The following FAM81A variants were observed in gnomAD, a reference collection of about 807,000 sequenced individuals.
FAM81A encodes family with sequence similarity 81 member A.
A neutral mutation model predicts 46.7 loss-of-function variants in FAM81A; 19 were observed. That is an observed-to-expected ratio of 0.41 (90% CI 0.28 to 0.60). FAM81A has a LOEUF of 0.60. Ranked by LOEUF, FAM81A falls within the 20% of genes least tolerant of loss-of-function variation. The pLI is 0.34. For synonymous variants in FAM81A, 183 were observed against 152.9 expected (o/e 1.20, Z -1.45); for missense variants, 377 against 453.5 (o/e 0.83, Z 1.53).
In FAM81A at chr15:59,521,443, T is replaced by G; in HGVS notation, c.*65T>G. The G allele has an allele frequency of 6.6e-7, 1 of 1,517,106 alleles. No individual in the cohort carries two copies. The allele number at this position is 1,517,106 out of a possible 1,614,324, so 94.0% of individuals were successfully genotyped here. Reference sequence around the variant, plus strand: ...TGGGGCTAGGAGCCGGATACCTCTGTAGCCAGGCCATCGCTGCATTCAGGA... The same window carrying G: ...TGGGGCTAGGAGCCGGATACCTCTGGAGCCAGGCCATCGCTGCATTCAGGA... On this transcript the variant is annotated 3_prime_UTR_variant, in exon 9 of 9. Transcript: ENST00000288228.
chr15:59,400,815 A>T (rs555542354), intron 1 of FAM81A, among the ~76,000 whole-genome samples: 1 of 152,316 alleles, frequency 6.6e-6, no homozygotes, highest in African/African-American at 2.4e-5. Flanking sequence ...AAATCCTTGC[A>T]CATTCCCTAC....
intron 2 of FAM81A, among the ~76,000 whole-genome samples, chr15:59,406,023 G>A (rs1596458390): frequency 6.6e-6 from 1 of 152,062 alleles, no homozygotes; most frequent in African/African-American, 2.4e-5. Flanking sequence ...CTTGCAACTC[G>A]ACCCAGAAAG....
At chr15:59,418,279 G>C (rs915113572) in intron 2 of FAM81A, among the ~76,000 whole-genome samples, 2 of 152,160 alleles carry the variant, frequency 1.3e-5, no homozygotes, top group Admixed American at 1.3e-4. Flanking sequence ...TGGGGGCAGA[G>C]GCAACAAACA....
At chr15:59,483,633 G>T (rs2081881770) in intron 3 of FAM81A, among the ~76,000 whole-genome samples, 2 of 152,148 alleles carry the variant, frequency 1.3e-5, no homozygotes, top group Admixed American at 6.6e-5. Flanking sequence ...AAAATTTCTA[G>T]AAATAAGTAG....
intron 3 of FAM81A, among the ~76,000 whole-genome samples, chr15:59,468,847 A>C (rs746290488): frequency 2.0e-5 from 3 of 152,168 alleles, no homozygotes. Context: ...TCTTGTGGGC[A>C]TTTAGTGCTA....
chr15:59,456,846 C>T (rs531751177), intron 1 of FAM81A, among the ~76,000 whole-genome samples: 2 of 152,300 alleles, frequency 1.3e-5, no homozygotes, highest in South Asian at 4.1e-4. Context: ...ACTTTGGCCT[C>T]CCAAAGTGCT....
At chr15:59,416,927 C>T (rs1025118686) in intron 2 of FAM81A, among the ~76,000 whole-genome samples, 2 of 152,178 alleles carry the variant, frequency 1.3e-5, no homozygotes, top group Non-Finnish European at 2.9e-5. Flanking sequence ...CAGGAAGGTG[C>T]ATAGTTTTTC....
chr15:59,461,601 G>T (rs1426707037), intron 3 of FAM81A, among the ~76,000 whole-genome samples: 2 of 152,178 alleles, frequency 1.3e-5, no homozygotes, highest in African/African-American at 4.8e-5. Context: ...GATTACAGAT[G>T]TGAGCCACTG....
intron 3 of FAM81A, among the ~76,000 whole-genome samples, chr15:59,482,033 C>G (rs985603713): frequency 6.6e-6 from 1 of 151,980 alleles, no homozygotes; most frequent in East Asian, 1.9e-4. Context: ...TCTCTGCTCC[C>G]ACACATGCGC....
At chr15:59,435,244 G>A (rs953572890), upstream of FAM81A, among the ~76,000 whole-genome samples, 8 of 151,908 alleles carry the variant, frequency 5.3e-5, no homozygotes, top group African/African-American at 1.2e-4. Flanking sequence ...CCGAGATCAC[G>A]CCACTGCACT....
rs150667074 is a variant in FAM81A, at chr15:59,399,040, G to A, written c.-160-3236G>A. On this transcript the variant is annotated intron_variant, in intron 1 of 4. Coordinates refer to the FAM81A transcript ENST00000558348. ...AAAAGTTATCCAGATGTGGTGGCGT[G>A]TGCCTGTAATCCCAGCTACTCGGTA... Among the ~76,000 whole-genome samples, 1,333 of 151,928 alleles carry A rather than the reference G, an allele frequency of 8.8e-3. 21 individuals carry two copies. The highest frequency in any genetic ancestry group is 0.031 in the African/African-American group (1,268 of 41,426).
Position 59,460,330 on chromosome 15 carries a change from T to G in FAM81A, c.294+124T>G. The G allele has an allele frequency of 1.6e-6, 2 of 1,280,154 alleles. No homozygotes were observed. Among genetic ancestry groups the G allele is most frequent in the South Asian group, 2.4e-5 (2 of 83,688 alleles). 79.3% of individuals were successfully genotyped at this position (1,280,154 alleles called of 1,614,324 possible). On this transcript the variant is annotated intron_variant, in intron 3 of 8. Transcript: ENST00000288228. This position sits in a 1 kb window ranked among gnomAD's most constrained non-coding sequence, Gnocchi z 4.4. The stretch of plus-strand genomic sequence containing the variant: ...TGCATTTAGAACAAAGCTGTCTGTC[T>G]TGTCTATTCTTAATGATCGCCAAGG...
intron 2 of FAM81A, among the ~76,000 whole-genome samples, chr15:59,424,346 T>C (rs2081186647): frequency 6.6e-6 from 1 of 152,222 alleles, no homozygotes; most frequent in Non-Finnish European, 1.5e-5. Context: ...TTCTTCCTTC[T>C]CTGGCCCAGG....
chr15:59,424,691 G>A (rs575527924), intron 2 of FAM81A, among the ~76,000 whole-genome samples: 6 of 152,280 alleles, frequency 3.9e-5, no homozygotes, highest in African/African-American at 1.2e-4. Context: ...AAAAATTCTT[G>A]ATTTCTCTTT....
intron 1 of FAM81A, chr15:59,402,092 C>T (rs1191227266): frequency 1.7e-5 from 8 of 458,746 alleles, no homozygotes; most frequent in South Asian, 5.4e-5. Flanking sequence ...GAGCTGACGC[C>T]GTGCAGGCCT....
intron 4 of FAM81A, among the ~76,000 whole-genome samples, chr15:59,494,747 T>C (rs1437445073): frequency 1.3e-5 from 2 of 152,224 alleles, no homozygotes; most frequent in African/African-American, 2.4e-5. Flanking sequence ...TGTAATTGTA[T>C]TGGAGGGGTA....
chr15:59,400,688 G>C (rs970815522), intron 1 of FAM81A, among the ~76,000 whole-genome samples: 1 of 152,002 alleles, frequency 6.6e-6, no homozygotes, highest in Non-Finnish European at 1.5e-5. Flanking sequence ...CCCTCCTTTC[G>C]GCCTTAGGTC....
intron 1 of FAM81A, among the ~76,000 whole-genome samples, chr15:59,400,010 C>G (rs775085642): frequency 4.6e-5 from 7 of 152,072 alleles, no homozygotes; most frequent in Non-Finnish European, 8.8e-5. Flanking sequence ...GGAGAGTCCC[C>G]GTCCGAGTCT....
chr15:59,490,404 TC>T (rs1376306052), intron 3 of FAM81A, among the ~76,000 whole-genome samples: 4 of 150,704 alleles, frequency 2.7e-5, no homozygotes, highest in African/African-American at 9.8e-5. Flanking sequence ...AAGAAAAAAA[TC>T]TAATAATCTG....
Sources: gnomAD v4.1 joint callset for allele counts (sites outside exome capture counted in the v4.1 genomes callset) on GRCh38, gnomAD v4.1.1 for gene constraint, Gnocchi (gnomAD v3.1) non-coding constraint, MANE v1.5 for transcripts, NCBI Gene and HGNC (gene_info 2026-07-23, HGNC 2026-07-21) for gene names.